Variants in MATN3 observed in about 807,000 individuals in gnomAD.
MATN3 encodes the protein matrilin-3.
A neutral mutation model predicts 45.3 loss-of-function variants in MATN3; 48 were observed. The ratio of observed to expected loss-of-function variants is 1.06; its 90% CI spans 0.84 to 1.35. MATN3 has a LOEUF of 1.35. MATN3 is among the 40% of genes most tolerant of loss of function. MATN3 has a pLI of 0.00. For missense variants in MATN3, 599 were observed against 628.0 expected (o/e 0.95, Z 0.49); for synonymous variants, 217 against 245.9 (o/e 0.88, Z 1.10).
In MATN3 at chr2:20,003,195, TC is replaced by T. The variant is rs780581830; in HGVS notation, c.881del (p.Gly294AspfsTer4). 1.2e-5 allele frequency: 19 copies of T among 1,613,978 alleles called. No homozygotes were observed. In the South Asian group the frequency reaches 1.9e-4, roughly 16 times the overall value. ...TTTTCTTGTCGGCATTCAAGGTGTA[TC>T]CTTGGCTACACTCACAGTGGTGCTT... Reference protein sequence around the residue: ...EGKHHCECSQGYTLNADKKTC... With the variant: ...EGKHHCECSQXYTLNADKKTC... On this transcript the variant is annotated frameshift_variant, in exon 3 of 8. Coordinates refer to ENST00000407540, the MANE Select transcript of MATN3 (RefSeq NM_002381.5). LOFTEE classifies it high-confidence loss of function.
rs77146641 is a variant in MATN3 at position 20,002,052 on chromosome 2, G to A, written c.945C>T (p.His315=). 9.2e-4 allele frequency: 1,488 copies of A among 1,613,112 alleles called. 1 individual carries two copies. The highest frequency in any genetic ancestry group is 1.1e-3 in the Non-Finnish European group (1,321 of 1,179,318). Residue 315 remains histidine (H), a synonymous_variant, in exon 4 of 8, where the codon CAC becomes CAT. Coordinates refer to ENST00000407540, the MANE Select transcript of MATN3 (RefSeq NM_002381.5). The part of the protein sequence containing the change: ...SALDRCALNT[H]GCEHICVNDR... ...CATTCACACAGATGTGCTCACATCC[G>A]TGGGTGTTAAGAGCACACCTATCAA...
chr2:20,008,670 G>A (rs1311639273), intron 1 of MATN3, among the ~76,000 whole-genome samples: 3 of 152,064 alleles, frequency 2.0e-5, no homozygotes, highest in Admixed American at 6.6e-5. Flanking sequence ...TGCAGAGGTG[G>A]TTTTTATATT....
chr2:19,997,351 C>A (rs2103479788), intron 5 of MATN3, 92 bp from the exon 6 acceptor site: 1 of 1,364,818 alleles, frequency 7.3e-7, no homozygotes, highest in Non-Finnish European at 9.9e-7. Flanking sequence ...CATTTGGTCC[C>A]CACAAGTGCT....
rs1395000595 is a variant in MATN3 at position 19,997,423 on chromosome 2, C to T, written c.1169-164G>A. ...TGCTGCAGGAGCAAGCCTGTTTTCT[C>T]TTCCCATACCTCTCATCCCTTTGGC... is the stretch of plus-strand genomic sequence containing the variant. On this transcript the variant is annotated intron_variant, in intron 5 of 7. Transcript: ENST00000407540. 8.3e-6 allele frequency: 5 copies of T among 600,924 alleles called. No individual in the cohort carries two copies. In the East Asian group the frequency reaches 1.5e-4, roughly 18 times the overall value. 37.2% of individuals were successfully genotyped at this position (600,924 alleles called of 1,614,324 possible).
chr2:20,002,020 CT>C lies in MATN3; in HGVS notation c.976del (p.Ser326ValfsTer14). The C allele has an allele frequency of 6.2e-7, 1 of 1,613,576 alleles. No individual in the cohort carries two copies. The highest frequency in any genetic ancestry group is 8.5e-7 in the Non-Finnish European group (1 of 1,179,524). On this transcript the variant is annotated frameshift_variant, in exon 4 of 8. Coordinates refer to ENST00000407540, the MANE Select transcript of MATN3 (RefSeq NM_002381.5). LOFTEE classifies it high-confidence loss of function. ...ATAGCACTCACAATGATAAGAGCCA[CT>C]TCTGTCATTCACACAGATGTGCTCA... ...GCEHICVNDR[S>X]GSYHCECYEG...
At position 20,006,083 on chromosome 2, in the gene MATN3, C is replaced by T; in HGVS notation, c.451G>A (p.Gly151Ser). Residue 151 changes from glycine to serine, a missense_variant, in exon 2 of 8, where the codon GGT (glycine) becomes AGT (serine). By Grantham distance (56) the Gly-to-Ser change is moderately conservative (BLOSUM62 0). Transcript: ENST00000407540. Reference protein sequence around the residue: ...TDKQSLKQAVGRITPLSTGTM... With the variant: ...TDKQSLKQAVSRITPLSTGTM... ...CCTGTTGACAAGGGTGTGATTCGAC[C>T]CACGGCCTGCTTCAGGGACTGCTTA... 1 of 1,613,996 alleles carries T rather than the reference C, an allele frequency of 6.2e-7. No homozygotes were observed. Among genetic ancestry groups the T allele is most frequent in the Non-Finnish European group, 8.5e-7 (1 of 1,179,884 alleles).
intron 3 of MATN3, 102 bp downstream of exon 3, chr2:20,003,059 G>GTTT: frequency 7.1e-7 from 1 of 1,400,846 alleles, no homozygotes; most frequent in Non-Finnish European, 9.8e-7. Flanking sequence ...AAGGCAGTTA[G>GTTT]GTAAAAAGGG....
intron 1 of MATN3, among the ~76,000 whole-genome samples, chr2:20,009,976 C>T (rs1673184198): frequency 2.0e-5 from 3 of 147,336 alleles, no homozygotes; most frequent in Admixed American, 1.4e-4. Context: ...GCACCCTGAC[C>T]ATCTTGAGCA....
Position 20,012,600 on chromosome 2 carries a change from G to T in MATN3, c.32C>A (p.Pro11Gln), listed in dbSNP as rs541854715. 3 of 1,222,094 alleles carry T rather than the reference G, an allele frequency of 2.5e-6. No homozygotes were observed. Among genetic ancestry groups the T allele is most frequent in the African/African-American group, 3.1e-5 (2 of 63,920 alleles). The allele number at this position is 1,222,094 out of a possible 1,614,324, so 75.7% of individuals were successfully genotyped here. Residue 11 changes from proline (P) to glutamine (Q), a missense_variant, in exon 1 of 8, where the codon CCG becomes CAG. Physicochemically the swap from Pro to Gln is moderately conservative, Grantham distance 76. Transcript: ENST00000407540. The surrounding 1 kb of genome is among the most constrained non-coding windows in gnomAD (Gnocchi z 4.3). ...CGGCCAGAGCAGCAGGAGGAGTCCC[G>T]GGAGGCGGCGCGCGGGGGCCGGGCG... MPRPAPARRL[P>Q]GLLLLLWPLL...
Position 20,000,447 on chromosome 2 carries a change from A to T in MATN3, c.1162T>A (p.Cys388Ser). 1.9e-6 allele frequency: 3 copies of T among 1,605,722 alleles called. No individual in the cohort carries two copies. Among genetic ancestry groups the T allele is most frequent in the Middle Eastern group, 1.7e-4 (1 of 6,038 alleles). The change falls in exon 5 of 8, where the codon TGT (cysteine) becomes AGT (serine). Residue 388 changes from cysteine to serine, a missense_variant. By Grantham distance (112) the Cys-to-Ser change is moderately radical. Transcript: ENST00000407540. The stretch of plus-strand genomic sequence containing the variant: ...TTTTTTGAGTGGATCTTACCTGAAC[A>T]TGTTTTTTTATCTGCATTCAGAGTG... ...GYTLNADKKT[C>S]SVRDKCALGS...
At chr2:19,993,270 T>TG (rs771300363) in intron 7 of MATN3, 104 bp from the exon 8 acceptor site, 11 of 924,604 alleles carry the variant, frequency 1.2e-5, no homozygotes, top group African/African-American at 1.7e-5. Flanking sequence ...CTATGAGAAG[T>TG]GAAAAAAAAG....
intron 4 of MATN3, among the ~76,000 whole-genome samples, chr2:20,001,298 C>T (rs951655983): frequency 6.6e-6 from 1 of 152,132 alleles, no homozygotes; most frequent in Admixed American, 6.6e-5. Context: ...TTTTTCTGGT[C>T]CAGGATCCAA....
At chr2:20,004,593 C>A (rs1224045309) in intron 2 of MATN3, among the ~76,000 whole-genome samples, 2 of 152,230 alleles carry the variant, frequency 1.3e-5, no homozygotes, top group African/African-American at 4.8e-5. Context: ...AGCAAGACTT[C>A]ATCTCCCTTT....
At chr2:20,004,849 A>T (rs1401814078) in intron 2 of MATN3, among the ~76,000 whole-genome samples, 2 of 152,184 alleles carry the variant, frequency 1.3e-5, no homozygotes, top group African/African-American at 4.8e-5. Flanking sequence ...ATTCACCTGA[A>T]CTAGAAATTT....
In MATN3 at chr2:20,003,166, C is replaced by G; in HGVS notation, c.911G>C (p.Cys304Ser). The G allele has an allele frequency of 1.2e-6, 2 of 1,613,986 alleles. No homozygotes were observed. Among genetic ancestry groups the G allele is most frequent in the South Asian group, 2.2e-5 (2 of 91,076 alleles). ...GCCCCCTACACAGGCCTCACCTGAA[C>G]ACGTTTTCTTGTCGGCATTCAAGGT... Reference protein sequence around the residue: ...GYTLNADKKTCSALDRCALNT... With the variant: ...GYTLNADKKTSSALDRCALNT... The change falls in exon 3 of 8, where the codon TGT becomes TCT. Residue 304 changes from cysteine to serine, a missense_variant. Physicochemically the swap from Cys to Ser is moderately radical, Grantham distance 112 (BLOSUM62 -1). Transcript: ENST00000407540.
chr2:19,993,040 G>T lies in MATN3; in HGVS notation c.*71C>A, dbSNP rs1038470784. Reference sequence around the variant, plus strand: ...TTAGCAGGAACATTGGCAATAACAGGTGTGCAAAAGAATGCATGAGTATTA... The same window carrying T: ...TTAGCAGGAACATTGGCAATAACAGTTGTGCAAAAGAATGCATGAGTATTA... On this transcript the variant is annotated 3_prime_UTR_variant, in exon 8 of 8. Coordinates refer to ENST00000407540, the MANE Select transcript of MATN3 (RefSeq NM_002381.5). 4 of 1,154,082 alleles carry T rather than the reference G, an allele frequency of 3.5e-6. No homozygotes were observed. The highest frequency in any genetic ancestry group is 1.5e-5 in the African/African-American group (1 of 65,892). The allele number at this position is 1,154,082 out of a possible 1,614,324, so 71.5% of individuals were successfully genotyped here. A position where few individuals can be genotyped will look rare whatever the true frequency, so the allele number is the denominator to read the frequency against.
rs1224992050 is a variant in MATN3 at position 19,992,073 on chromosome 2, A to G, written c.*1038T>C. On this transcript the variant is annotated 3_prime_UTR_variant, in exon 8 of 8. Coordinates refer to ENST00000407540, the MANE Select transcript of MATN3 (RefSeq NM_002381.5). ...AGTATAATTTAAAGAAATATCTTTA[A>G]TAGACAAAATTGATGAGTCATCAAA... The G allele has an allele frequency of 6.6e-6, 1 of 152,146 alleles. No individual in the cohort carries two copies. The highest frequency in any genetic ancestry group is 1.5e-5 in the Non-Finnish European group (1 of 67,998). The allele number at this position is 152,146 out of a possible 1,614,324, so 9.4% of individuals were successfully genotyped here.
At chr2:19,994,445 G>C (rs892401831) in intron 6 of MATN3, 36 bp from the exon 7 acceptor site, 38 of 1,160,628 alleles carry the variant, frequency 3.3e-5, no homozygotes, top group Non-Finnish European at 4.7e-5. Context: ...ATACTATCTA[G>C]GAATAGCTAT....
intron 7 of MATN3, among the ~76,000 whole-genome samples, chr2:19,993,798 AC>A (rs1558369142): frequency 6.6e-6 from 1 of 152,178 alleles, no homozygotes; most frequent in Admixed American, 6.5e-5. Context: ...GTTCTGAGAA[AC>A]TTTTCCCTAG....
Sources: gnomAD v4.1 joint callset for allele counts (sites outside exome capture counted in the v4.1 genomes callset) on GRCh38, gnomAD v4.1.1 for gene constraint, Gnocchi (gnomAD v3.1) non-coding constraint, MANE v1.5 for transcripts, NCBI Gene and HGNC (gene_info 2026-07-23, HGNC 2026-07-21) for gene names.